Variants in PTPRN2 observed in about 807,000 individuals in gnomAD.
PTPRN2 encodes the protein protein tyrosine phosphatase receptor type N2.
PTPRN2 carries 74 observed loss-of-function variants against 118.8 expected under a neutral mutation model. The observed-to-expected ratio is 0.62, with a 90% CI of 0.52 to 0.76. The LOEUF (loss-of-function observed/expected upper bound fraction) is 0.76, where lower values mean the gene tolerates loss of function less well. PTPRN2 is among the 30% of genes least tolerant of loss of function. The pLI, the probability that PTPRN2 is intolerant of heterozygous loss-of-function variation, is 0.00. For missense variants in PTPRN2, 1,481 were observed against 1,394.4 expected, an observed-to-expected ratio of 1.06 and a Z score of -0.99; for synonymous variants, 641 against 608.0, an observed-to-expected ratio of 1.05 and a Z score of -0.80.
At chr7:158,528,689 G>C (rs1824982277) in intron 1 of PTPRN2, among the ~76,000 whole-genome samples, 1 of 151,782 alleles carries the variant, frequency 6.6e-6, no homozygotes, top group Non-Finnish European at 1.5e-5. Flanking sequence ...AGCTACTCGG[G>C]AGGCTGAGGC....
intron 3 of PTPRN2, among the ~76,000 whole-genome samples, chr7:158,286,107 T>C (rs1799753528): frequency 6.6e-6 from 1 of 152,220 alleles, no homozygotes; most frequent in South Asian, 2.1e-4. Flanking sequence ...GTATTTTATA[T>C]TTTTTGAGCT....
At chr7:158,454,929 G>A (rs1272166916) in intron 2 of PTPRN2, among the ~76,000 whole-genome samples, 1 of 152,150 alleles carries the variant, frequency 6.6e-6, no homozygotes, top group African/African-American at 2.4e-5. Context: ...CCCCCCGGGG[G>A]CCCCTCGAAA....
At chr7:158,184,060 G>C (rs1478361047) in intron 5 of PTPRN2, among the ~76,000 whole-genome samples, 1 of 104,934 alleles carries the variant, frequency 9.5e-6, no homozygotes, top group Non-Finnish European at 2.1e-5. Context: ...ATTTTTCTAA[G>C]TATGTGGCTT....
intron 2 of PTPRN2, 141 bp downstream of exon 2, chr7:158,489,594 G>C (rs1821285387): frequency 2.5e-6 from 2 of 788,340 alleles, no homozygotes; most frequent in Non-Finnish European, 3.7e-6. Context: ...ATGGCTCCGG[G>C]GTTCCATCCG....
rs1804756591 is a variant in PTPRN2 at position 157,794,735 on chromosome 7, T to C, written c.1788+103938A>G. ...ACACCCAGCCTGAAACCACGATAAATGTGTGGAGTTGTGGAGACAGCTCAC... is the reference window on the plus strand; with the variant it reads ...ACACCCAGCCTGAAACCACGATAAACGTGTGGAGTTGTGGAGACAGCTCAC... On this transcript the variant is annotated intron_variant, in intron 12 of 22. Transcript: ENST00000389418. The surrounding 1 kb of genome is among the most constrained non-coding windows in gnomAD (Gnocchi z 5.2). Among the ~76,000 whole-genome samples the C allele has an allele frequency of 6.6e-6, 1 of 152,114 alleles. No individual in the cohort carries two copies. Among genetic ancestry groups the C allele is most frequent in the Non-Finnish European group, 1.5e-5 (1 of 68,030 alleles).
At position 157,578,055 on chromosome 7, in the gene PTPRN2, G is replaced by C. The variant is rs902259591; in HGVS notation, c.2582C>G (p.Pro861Arg). Residue 861 changes from proline (P) to arginine (R), a missense_variant, in exon 18 of 23, where the codon CCG becomes CGG. This residue lies in a region of PTPRN2 where 362 missense variants were observed against 384.1 expected (regional missense o/e 0.94). Transcript: ENST00000389418. ...GTGGTAGAGATTGGAGCCTTCATCCGGCCAGTAGTGGTAGCACTGCCGGAC... is the reference window on the plus strand; with the variant it reads ...GTGGTAGAGATTGGAGCCTTCATCCCGCCAGTAGTGGTAGCACTGCCGGAC... ...NGVRQCYHYW[P>R]DEGSNLYHIY... is the part of the protein sequence containing the mutation. The C allele has an allele frequency of 6.2e-7, 1 of 1,613,286 alleles. No homozygotes were observed. Among genetic ancestry groups the C allele is most frequent in the Non-Finnish European group, 8.5e-7 (1 of 1,179,476 alleles).
rs575320126 is a variant in PTPRN2 at position 158,379,641 on chromosome 7, C to G, written c.164-62709G>C. On this transcript the variant is annotated intron_variant, in intron 2 of 22. Coordinates refer to ENST00000389418, the MANE Select transcript of PTPRN2 (RefSeq NM_002847.5). ...TCCACATTCAAACTCACAGCACAGC[C>G]CACAGGTGGGGCGGGGTTCCTAAGA... 2.6e-5 allele frequency among the ~76,000 whole-genome samples: 4 copies of G among 152,258 alleles called. No homozygotes were observed. The South Asian group carries it at 8.3e-4, about 32-fold the overall frequency.
chr7:158,564,803 C>A (rs138338162), intron 1 of PTPRN2, among the ~76,000 whole-genome samples: 1,636 of 152,378 alleles, frequency 0.011, 13 homozygotes, highest in Non-Finnish European at 0.015. Flanking sequence ...CAGATCCCTT[C>A]TCAGCCCAGG....
Position 157,550,437 on chromosome 7 carries a change from G to A in PTPRN2, c.2903-1418C>T, listed in dbSNP as rs967079071. Among the ~76,000 whole-genome samples the A allele has an allele frequency of 6.6e-6, 1 of 152,256 alleles. No individual in the cohort carries two copies. The highest frequency in any genetic ancestry group is 6.5e-5 in the Admixed American group (1 of 15,284). On this transcript the variant is annotated intron_variant, in intron 21 of 22. Transcript: ENST00000389418. This position sits in a 1 kb window ranked among gnomAD's most constrained non-coding sequence, Gnocchi z 5.2. ...CATGTTTGCATGAAGGGAGAACAAA[G>A]CAGGTGGTGTGGAGAATCTGGCTGT...
intron 1 of PTPRN2, among the ~76,000 whole-genome samples, chr7:158,512,842 G>A (rs778111178): frequency 2.6e-5 from 4 of 152,236 alleles, no homozygotes; most frequent in Admixed American, 6.5e-5. Flanking sequence ...GTGAGGCCAC[G>A]GAACGGGCTG....
At chr7:158,392,026 A>G (rs1264599498) in intron 2 of PTPRN2, among the ~76,000 whole-genome samples, 1 of 152,180 alleles carries the variant, frequency 6.6e-6, no homozygotes, top group African/African-American at 2.4e-5. Context: ...ATGATGCAGT[A>G]CTGGGCTGGT....
intron 6 of PTPRN2, among the ~76,000 whole-genome samples, chr7:158,162,919 G>C (rs953716026): frequency 6.6e-6 from 1 of 152,166 alleles, no homozygotes; most frequent in East Asian, 1.9e-4. Flanking sequence ...CCGACCGTGC[G>C]ACAGGAGGGT....
At chr7:157,889,075 A>C (rs1216015300) in intron 12 of PTPRN2, among the ~76,000 whole-genome samples, 1 of 152,196 alleles carries the variant, frequency 6.6e-6, no homozygotes, top group Non-Finnish European at 1.5e-5. Context: ...AATAATATAA[A>C]AACTTTTGGA....
intron 2 of PTPRN2, among the ~76,000 whole-genome samples, chr7:158,463,663 CCAT>C (rs1819174101): frequency 6.6e-6 from 1 of 151,920 alleles, no homozygotes; most frequent in African/African-American, 2.4e-5. Context: ...ATCGTCATCA[CCAT>C]ATCATCACTA....
At chr7:158,506,550 T>C (rs551649577) in intron 1 of PTPRN2, among the ~76,000 whole-genome samples, 45 of 152,056 alleles carry the variant, frequency 3.0e-4, no homozygotes, top group African/African-American at 1.0e-3. Context: ...TCATTTATTT[T>C]GCTTAACATC....
chr7:158,449,317 A>T (rs953709645), intron 2 of PTPRN2, among the ~76,000 whole-genome samples: 1 of 152,250 alleles, frequency 6.6e-6, no homozygotes, highest in African/African-American at 2.4e-5. Context: ...GCCCAAGGGC[A>T]GGTGAGGGTG....
intron 5 of PTPRN2, among the ~76,000 whole-genome samples, chr7:158,189,009 C>G (rs537307676): frequency 6.6e-6 from 1 of 152,298 alleles, no homozygotes; most frequent in East Asian, 1.9e-4. Context: ...AGGAAGGCAT[C>G]CTGTCTCTGG....
Position 157,587,150 on chromosome 7 carries a change from G to GGCAGACAGGCAGGCAGACAA in PTPRN2, c.2496+8087_2496+8088insTTGTCTGCCTGCCTGTCTGC, listed in dbSNP as rs1800720647. 1.3e-5 allele frequency among the ~76,000 whole-genome samples: 2 copies of GGCAGACAGGCAGGCAGACAA among 152,044 alleles called. No individual in the cohort carries two copies. The highest frequency in any genetic ancestry group is 2.9e-5 in the Non-Finnish European group (2 of 67,990). ...AGGCAGATACACAGGCAGGCAGACA[G>GGCAGACAGGCAGGCAGACAA]GCAGACAGGCAGGCAGACAGACAAG... is the stretch of plus-strand genomic sequence containing the variant. On this transcript the variant is annotated intron_variant, in intron 17 of 22. Coordinates refer to ENST00000389418, the MANE Select transcript of PTPRN2 (RefSeq NM_002847.5). This position sits in a 1 kb window ranked among gnomAD's most constrained non-coding sequence, Gnocchi z 5.3.
rs1439311495 is a variant in PTPRN2 at position 157,986,320 on chromosome 7, G to A, written c.1724-87583C>T. 2.0e-5 allele frequency among the ~76,000 whole-genome samples: 3 copies of A among 152,230 alleles called. No individual in the cohort carries two copies. The highest frequency in any genetic ancestry group is 4.4e-5 in the Non-Finnish European group (3 of 68,042). On this transcript the variant is annotated intron_variant, in intron 11 of 22. Transcript: ENST00000389418. The surrounding 1 kb of genome is among the most constrained non-coding windows in gnomAD (Gnocchi z 4.5). ...GCCAAGCGGATGAGGCTTCGCTTTA[G>A]GACCATGGACTCTGGCGGCAGATAA...
Sources: allele counts gnomAD v4.1 joint callset (sites outside exome capture counted in the v4.1 genomes callset), GRCh38; gene constraint gnomAD v4.1.1; regional missense constraint gnomAD v4.1.1; non-coding constraint Gnocchi (gnomAD v3.1); transcripts MANE v1.5; gene names NCBI Gene and HGNC (gene_info 2026-07-23, HGNC 2026-07-21).